TIAM2: variants seen among roughly 807,000 people sequenced by gnomAD.
The protein encoded by TIAM2 is rho guanine nucleotide exchange factor TIAM2.
Under a neutral mutation model 152.9 loss-of-function variants are expected in TIAM2, and 80 were observed. That is an observed-to-expected ratio of 0.52 (90% CI 0.44 to 0.63). The LOEUF (loss-of-function observed/expected upper bound fraction) is 0.63. Among genes scored for constraint, TIAM2 ranks in the 30% least tolerant of loss-of-function variants. The pLI, the probability that TIAM2 is intolerant of heterozygous loss-of-function variation, is 0.00. For missense variants in TIAM2, 1,965 were observed against 2,120.1 expected (o/e 0.93, Z 1.44); for synonymous variants, 804 against 838.0 (o/e 0.96, Z 0.70).
chr6:155,087,517 C>T (rs923331148), intron 1 of TIAM2, among the ~76,000 whole-genome samples: 5 of 151,872 alleles, frequency 3.3e-5, no homozygotes, highest in African/African-American at 7.3e-5. Context: ...GGGAGGCTGA[C>T]GCAGGTGGAT....
At chr6:155,137,155 T>C in intron 4 of TIAM2, 22 bp from the exon 5 acceptor site, 1 of 1,605,102 alleles carries the variant, frequency 6.2e-7, no homozygotes, top group East Asian at 2.2e-5. Context: ...CTCTGATGGG[T>C]GATCATGTGT....
At chr6:155,032,381 T>G (rs1776841650) in intron 1 of TIAM2, among the ~76,000 whole-genome samples, 1 of 152,182 alleles carries the variant, frequency 6.6e-6, no homozygotes, top group African/African-American at 2.4e-5. Flanking sequence ...ATCTATGTCA[T>G]GCGTGGCATT....
chr6:155,070,266 G>T (rs1777812103), intron 1 of TIAM2, among the ~76,000 whole-genome samples: 1 of 133,086 alleles, frequency 7.5e-6, no homozygotes, highest in South Asian at 2.5e-4. Flanking sequence ...TGTCGCCCAG[G>T]CTGGAGTACA....
chr6:155,207,052 C>T (rs1781614139), intron 14 of TIAM2, among the ~76,000 whole-genome samples: 1 of 152,124 alleles, frequency 6.6e-6, no homozygotes. Flanking sequence ...GAGGCTCTTC[C>T]AGGTGGGAAG....
In TIAM2 at chr6:155,025,875, C is replaced by G. The variant is rs867022682; in HGVS notation, c.-209+30383C>G. On this transcript the variant is annotated intron_variant, in intron 1 of 26. Transcript: ENST00000682666. Reference sequence around the variant, plus strand: ...ACACACACACACACACACACACACACAGAAAAGAAAGAAGGGAAGGAAACA... The same window carrying G: ...ACACACACACACACACACACACACAGAGAAAAGAAAGAAGGGAAGGAAACA... Among the ~76,000 whole-genome samples the G allele has an allele frequency of 8.2e-5, 9 of 109,846 alleles. No individual in the cohort carries two copies. In the South Asian group the frequency reaches 1.2e-3, roughly 15 times the overall value. 72.1% of individuals were successfully genotyped at this position (109,846 alleles called of 152,430 possible).
intron 1 of TIAM2, among the ~76,000 whole-genome samples, chr6:155,077,883 G>A (rs563769089): frequency 6.6e-6 from 1 of 152,302 alleles, no homozygotes; most frequent in South Asian, 2.1e-4. Context: ...GATTCATGTG[G>A]CTGGCATTCT....
At chr6:155,239,340 G>A (rs892463367) in intron 15 of TIAM2, among the ~76,000 whole-genome samples, 2 of 152,200 alleles carry the variant, frequency 1.3e-5, no homozygotes, top group Admixed American at 6.5e-5. Context: ...GAGGTGGGCC[G>A]AGTACCTCCT....
chr6:155,112,203 G>T (rs1406968866), intron 2 of TIAM2, among the ~76,000 whole-genome samples: 1 of 146,180 alleles, frequency 6.8e-6, no homozygotes, highest in Non-Finnish European at 1.5e-5. Context: ...TCGGCTCACT[G>T]CAACCTCCGC....
chr6:155,071,138 G>A (rs1390715149), intron 1 of TIAM2, among the ~76,000 whole-genome samples: 2 of 151,924 alleles, frequency 1.3e-5, no homozygotes, highest in Non-Finnish European at 2.9e-5. Flanking sequence ...ACACCACTGC[G>A]CTCCAGCTTA....
chr6:155,159,411 AC>A (rs1780206933), intron 7 of TIAM2, among the ~76,000 whole-genome samples: 1 of 152,106 alleles, frequency 6.6e-6, no homozygotes, highest in Non-Finnish European at 1.5e-5. Flanking sequence ...CGTTATAGCT[AC>A]TTGAGAGGGT....
chr6:155,050,541 C>T (rs903784972), intron 1 of TIAM2, among the ~76,000 whole-genome samples: 2 of 152,208 alleles, frequency 1.3e-5, no homozygotes, highest in African/African-American at 4.8e-5. Context: ...GAAACATGCT[C>T]TCAGGAGCCT....
Position 155,176,814 on chromosome 6 carries a change from A to T in TIAM2, c.2362-2A>T. On this transcript the variant is annotated splice_acceptor_variant, in intron 9 of 26. Coordinates refer to ENST00000682666, the MANE Select transcript of TIAM2 (RefSeq NM_012454.4). LOFTEE classifies it high-confidence loss of function. ...GCATTTTCTTTTGGCATCTACAAAC[A>T]GGTCGATGAACTTCTGCATATATAT... is the stretch of plus-strand genomic sequence containing the variant. 1 of 1,604,734 alleles carries T rather than the reference A, an allele frequency of 6.2e-7. No homozygotes were observed. Among genetic ancestry groups the T allele is most frequent in the Non-Finnish European group, 8.5e-7 (1 of 1,177,518 alleles).
intron 1 of TIAM2, among the ~76,000 whole-genome samples, chr6:155,063,765 G>A (rs969099596): frequency 7.7e-6 from 1 of 130,088 alleles, no homozygotes; most frequent in Non-Finnish European, 1.6e-5. Flanking sequence ...CTGGGCAACA[G>A]AGTGAGACTC....
chr6:155,231,080 G>C (rs1035369957), intron 15 of TIAM2, among the ~76,000 whole-genome samples: 3 of 151,792 alleles, frequency 2.0e-5, no homozygotes, highest in Non-Finnish European at 4.4e-5. Context: ...GACATCAAGT[G>C]ATCCGCCCAC....
At chr6:154,999,156 G>C (rs1374383858) in intron 1 of TIAM2, among the ~76,000 whole-genome samples, 1 of 151,920 alleles carries the variant, frequency 6.6e-6, no homozygotes, top group Non-Finnish European at 1.5e-5. Flanking sequence ...TGGGAAAGAT[G>C]GGCATCTCTA....
Position 155,137,539 on chromosome 6 carries a change from C to A in TIAM2, c.1557C>A (p.Val519=). The change falls in exon 5 of 27, where the codon GTC becomes GTA. Residue 519 remains valine, a synonymous_variant. Transcript: ENST00000682666. Reference sequence around the variant, plus strand: ...GGTGGCTCTTCTTCAAGCCCCTGGTCACTGTGCAGAAGGAAAGGAAGCTTG... The same window carrying A: ...GGTGGCTCTTCTTCAAGCCCCTGGTAACTGTGCAGAAGGAAAGGAAGCTTG... ...KAGWLFFKPL[V]TVQKERKLEL... is the part of the protein sequence containing the mutation. The A allele has an allele frequency of 6.2e-7, 1 of 1,613,626 alleles. No homozygotes were observed. Among genetic ancestry groups the A allele is most frequent in the South Asian group, 1.1e-5 (1 of 91,044 alleles).
At chr6:155,220,412 TG>T (rs907247673) in intron 15 of TIAM2, among the ~76,000 whole-genome samples, 23 of 152,190 alleles carry the variant, frequency 1.5e-4, no homozygotes, top group African/African-American at 4.3e-4. Context: ...CTGGCGAGGC[TG>T]GTCTGGAGGC....
chr6:154,999,564 C>A (rs1778278871), intron 1 of TIAM2, among the ~76,000 whole-genome samples: 1 of 152,158 alleles, frequency 6.6e-6, no homozygotes, highest in African/African-American at 2.4e-5. Flanking sequence ...GAACTCCTAA[C>A]AGAAAAGCGT....
Position 155,070,209 on chromosome 6 carries a change from C to CTTTTTTTTTTTT in TIAM2, c.-208-20062_-208-20051dup, listed in dbSNP as rs559307371. 4.8e-4 allele frequency among the ~76,000 whole-genome samples: 21 copies of CTTTTTTTTTTTT among 44,144 alleles called. 2 individuals carry two copies. The highest frequency in any genetic ancestry group is 2.3e-3 in the African/African-American group (19 of 8,320). The allele number at this position is 44,144 out of a possible 152,430, so 29.0% of individuals were successfully genotyped here. A position where few individuals can be genotyped will look rare whatever the true frequency, so the allele number is the denominator to read the frequency against. On this transcript the variant is annotated intron_variant, in intron 1 of 26. Coordinates refer to ENST00000682666, the MANE Select transcript of TIAM2 (RefSeq NM_012454.4). ...GTATGAGCCACCGCGCCTGGCCAGACTTTTTTTTTTTTTTTTTTTTTTTTT... is the reference window on the plus strand; with the variant it reads ...GTATGAGCCACCGCGCCTGGCCAGACTTTTTTTTTTTTTTTTTTTTTTTTTTTTTTTTTTTTT...
Sources: allele counts gnomAD v4.1 joint callset (sites outside exome capture counted in the v4.1 genomes callset), GRCh38; gene constraint gnomAD v4.1.1; transcripts MANE v1.5; gene names NCBI Gene and HGNC (gene_info 2026-07-23, HGNC 2026-07-21).